USP40: variants seen among roughly 807,000 people sequenced by gnomAD.
USP40 encodes ubiquitin carboxyl-terminal hydrolase 40.
A neutral mutation model predicts 166.2 loss-of-function variants in USP40; 143 were observed. That is an observed-to-expected ratio of 0.86 (90% CI 0.75 to 0.99). USP40 has a LOEUF of 0.99. Among genes scored for constraint, USP40 ranks in the 50% least tolerant of loss-of-function variants. USP40 has a pLI of 0.00. For synonymous variants in USP40, 498 were observed against 524.0 expected, an observed-to-expected ratio of 0.95 and a Z score of 0.68; for missense variants, 1,444 against 1,479.7, an observed-to-expected ratio of 0.98 and a Z score of 0.40.
intron 10 of USP40, among the ~76,000 whole-genome samples, chr2:233,534,607 T>C (rs1467026062): frequency 6.6e-6 from 1 of 152,216 alleles, no homozygotes; most frequent in African/African-American, 2.4e-5. Flanking sequence ...AGTATTATTT[T>C]ATCAACAAAC....
chr2:233,497,270 G>C (rs2065804856), intron 23 of USP40, among the ~76,000 whole-genome samples: 1 of 152,194 alleles, frequency 6.6e-6, no homozygotes, highest in Non-Finnish European at 1.5e-5. Context: ...GTACCAGGAG[G>C]TCACACCGGA....
Position 233,477,084 on chromosome 2 carries a change from G to T in USP40, c.*308C>A. On this transcript the variant is annotated 3_prime_UTR_variant, in exon 32 of 32. Coordinates refer to ENST00000678225, the MANE Select transcript of USP40 (RefSeq NM_001365479.2). ...CTCCATACCTGCGGTTCACGCACAC[G>T]TTGTGCATTTTCTGGTTAAAAGAAA... 2.6e-6 allele frequency: 1 copy of T among 389,508 alleles called. No homozygotes were observed. The highest frequency in any genetic ancestry group is 4.9e-6 in the Non-Finnish European group (1 of 203,048). 24.1% of individuals were successfully genotyped at this position (389,508 alleles called of 1,614,324 possible).
At chr2:233,553,002 C>T (rs1293189739) in intron 6 of USP40, among the ~76,000 whole-genome samples, 1 of 152,048 alleles carries the variant, frequency 6.6e-6, no homozygotes, top group Non-Finnish European at 1.5e-5. Flanking sequence ...ATCACATCAC[C>T]CACAGCAGTG....
intron 2 of USP40, 113 bp from the exon 3 acceptor site, chr2:233,562,916 T>C: frequency 1.4e-6 from 1 of 725,054 alleles, no homozygotes; most frequent in Non-Finnish European, 2.1e-6. Flanking sequence ...GAAATATGAT[T>C]GTGGCAATAT....
rs1476752858 is a variant in USP40, at chr2:233,549,117, C to T, written c.950G>A (p.Gly317Glu). Residue 317 changes from glycine (G) to glutamate (E), a missense_variant, in exon 8 of 32, where the codon GGA becomes GAA. Transcript: ENST00000678225. ...TATACGTACTTGAAACTGCCAGTTT[C>T]CCAAATGATCAACATCTTTAATATA... ...HVYIKDVDHL[G>E]NWQFQEEKSK... 4.4e-6 allele frequency: 7 copies of T among 1,597,308 alleles called. No homozygotes were observed. The highest frequency in any genetic ancestry group is 6.0e-6 in the Non-Finnish European group (7 of 1,173,194).
chr2:233,545,091 A>G (rs1411926229), intron 8 of USP40, among the ~76,000 whole-genome samples: 3 of 152,236 alleles, frequency 2.0e-5, no homozygotes, highest in African/African-American at 7.2e-5. Context: ...AGAAGCCTAC[A>G]GTCCACAATA....
At chr2:233,504,490 C>T (rs1039881871) in intron 21 of USP40, among the ~76,000 whole-genome samples, 4 of 151,882 alleles carry the variant, frequency 2.6e-5, no homozygotes, top group African/African-American at 9.7e-5. Context: ...CAAGAGTAGC[C>T]ACATTTATGT....
intron 30 of USP40, among the ~76,000 whole-genome samples, chr2:233,483,019 CAGA>C (rs1023617283): frequency 6.6e-6 from 1 of 152,226 alleles, no homozygotes; most frequent in Non-Finnish European, 1.5e-5. Context: ...AACAGATTTG[CAGA>C]AGATCTGCTG....
chr2:233,485,299 A>T (rs977148362), intron 30 of USP40, among the ~76,000 whole-genome samples: 1 of 152,244 alleles, frequency 6.6e-6, no homozygotes, highest in Non-Finnish European at 1.5e-5. Context: ...ATGTATGGTC[A>T]GAAGTGAAAC....
In USP40 at chr2:233,536,688, C is replaced by T. The variant is rs1388280909; in HGVS notation, c.1171-2909G>A. Among the ~76,000 whole-genome samples, 6 of 152,046 alleles carry T rather than the reference C, an allele frequency of 3.9e-5. No homozygotes were observed. The East Asian group carries it at 9.6e-4, about 24-fold the overall frequency. ...ACAAAAGCCCCCAGAACATCCAAGACCTGAGAGGACATATCAAATGGTCGA... is the reference window on the plus strand; with the variant it reads ...ACAAAAGCCCCCAGAACATCCAAGATCTGAGAGGACATATCAAATGGTCGA... On this transcript the variant is annotated intron_variant, in intron 10 of 31. Transcript: ENST00000678225.
intron 30 of USP40, among the ~76,000 whole-genome samples, chr2:233,484,897 G>A (rs1044132027): frequency 6.6e-6 from 1 of 152,262 alleles, no homozygotes; most frequent in East Asian, 1.9e-4. Context: ...CATTGCCCGT[G>A]TTGTTTAGTA....
rs3075066 is a variant in USP40, at chr2:233,491,603, CGTGTGTGTGTGT to C, written c.2918-354_2918-343del. Among the ~76,000 whole-genome samples the C allele has an allele frequency of 8.7e-3, 1,300 of 150,038 alleles. 11 individuals carry two copies. The highest frequency in any genetic ancestry group is 0.013 in the Non-Finnish European group (852 of 67,502). ...ATAACACTCATCCCAACCTGTTCCTCGTGTGTGTGTGTGTGTGTGTGTGTGTGTGTGTCTGTC... is the reference window on the plus strand; with the variant it reads ...ATAACACTCATCCCAACCTGTTCCTCGTGTGTGTGTGTGTGTGTGTCTGTC... On this transcript the variant is annotated intron_variant, in intron 25 of 31. Coordinates refer to ENST00000678225, the MANE Select transcript of USP40 (RefSeq NM_001365479.2).
At position 233,554,535 on chromosome 2, in the gene USP40, G is replaced by A; in HGVS notation, c.547-9C>T. 1 of 1,596,300 alleles carries A rather than the reference G, an allele frequency of 6.3e-7. No individual in the cohort carries two copies. Among genetic ancestry groups the A allele is most frequent in the East Asian group, 2.3e-5 (1 of 44,114 alleles). ...AGATCTAAGAAGTCTTCCTGAAATAGACATGAATATAATATTGAAAAACAA... is the reference window on the plus strand; with the variant it reads ...AGATCTAAGAAGTCTTCCTGAAATAAACATGAATATAATATTGAAAAACAA... On this transcript the variant is annotated splice_polypyrimidine_tract_variant and intron_variant, in intron 5 of 31. Transcript: ENST00000678225.
chr2:233,556,812 A>G, intron 5 of USP40, 43 bp downstream of exon 5: 1 of 1,551,130 alleles, frequency 6.4e-7, no homozygotes, highest in East Asian at 2.3e-5. Flanking sequence ...ATGGATTATA[A>G]TTTACAACAT....
rs78451449 is a variant in USP40 at position 233,542,398 on chromosome 2, A to T, written c.967-35T>A. 3.4e-3 allele frequency: 4,472 copies of T among 1,301,978 alleles called. 103 individuals carry two copies. In the East Asian group the frequency reaches 0.06, roughly 17 times the overall value. The allele number at this position is 1,301,978 out of a possible 1,614,324, so 80.7% of individuals were successfully genotyped here. A position where few individuals can be genotyped will look rare whatever the true frequency, so the allele number is the denominator to read the frequency against. ...AAAACAGTATGAGTTTCTATCACTA[A>T]CCCCTTAAAAAGTAACAAAATAGGA... On this transcript the variant is annotated intron_variant, in intron 8 of 31. Transcript: ENST00000678225.
At chr2:233,543,443 G>A (rs2069606257) in intron 8 of USP40, among the ~76,000 whole-genome samples, 1 of 152,196 alleles carries the variant, frequency 6.6e-6, no homozygotes, top group Non-Finnish European at 1.5e-5. Context: ...CAAAGATGAG[G>A]CCTCCAGATG....
chr2:233,551,576 A>T, intron 6 of USP40, 57 bp from the exon 7 acceptor site: 1 of 1,492,196 alleles, frequency 6.7e-7, no homozygotes, highest in Non-Finnish European at 8.9e-7. Context: ...AAAAGGATAC[A>T]TAATGTTTCT....
chr2:233,504,230 AG>A (rs1184823692), intron 21 of USP40, among the ~76,000 whole-genome samples: 2 of 152,048 alleles, frequency 1.3e-5, no homozygotes, highest in African/African-American at 4.8e-5. Flanking sequence ...ACAACCAGAA[AG>A]GAAGAAAAAG....
At chr2:233,529,796 T>TTTC (rs1553568191) in intron 11 of USP40, among the ~76,000 whole-genome samples, 3,918 of 132,144 alleles carry the variant, frequency 0.03, 179 homozygotes, top group African/African-American at 0.11. Context: ...TTCATCTTTT[T>TTTC]TTTTTCTTTT....
Sources: allele counts gnomAD v4.1 joint callset (sites outside exome capture counted in the v4.1 genomes callset), GRCh38; gene constraint gnomAD v4.1.1; transcripts MANE v1.5; gene names NCBI Gene and HGNC (gene_info 2026-07-23, HGNC 2026-07-21).